FAM20A: variants seen among roughly 807,000 people sequenced by gnomAD.
FAM20A encodes FAM20A golgi associated secretory pathway pseudokinase.
FAM20A carries 42 observed loss-of-function variants against 52.0 expected under a neutral mutation model. The ratio of observed to expected loss-of-function variants is 0.81; its 90% CI spans 0.63 to 1.04. The LOEUF (loss-of-function observed/expected upper bound fraction) is 1.04. Ranked by LOEUF, FAM20A falls within the 50% of genes least tolerant of loss-of-function variation. The probability of loss-of-function intolerance (pLI) is 0.00; values close to 1 mark genes in which losing one functional copy is unlikely to be tolerated. For missense variants in FAM20A, 742 were observed against 712.7 expected (o/e 1.04, Z -0.47); for synonymous variants, 304 against 298.9 (o/e 1.02, Z -0.18).
Position 68,542,703 on chromosome 17 carries a change from CA to C in FAM20A, c.918del (p.Phe306LeufsTer76), listed in dbSNP as rs763525465. On this transcript the variant is annotated frameshift_variant, in exon 6 of 11. Coordinates refer to ENST00000592554, the MANE Select transcript of FAM20A (RefSeq NM_017565.4). LOFTEE classifies it high-confidence loss of function. ...TKNEILQSVFFVSPASNVCFF... is the reference protein window; with the variant it reads ...TKNEILQSVFXVSPASNVCFF... The stretch of plus-strand genomic sequence containing the variant: ...CGGGCCAGTACTCTACCTGGAGAGA[CA>C]AAGAAAACACTCTGCAGGATTTCAT... 6.2e-7 allele frequency: 1 copy of C among 1,613,264 alleles called. No individual in the cohort carries two copies. The highest frequency in any genetic ancestry group is 1.1e-5 in the South Asian group (1 of 91,064).
Position 68,535,551 on chromosome 17 carries a change from T to C in FAM20A, c.*1926A>G, listed in dbSNP as rs1250275834. On this transcript the variant is annotated 3_prime_UTR_variant, in exon 11 of 11. Transcript: ENST00000592554. ...GTTCTTCATCCACAGGGAAGAAACA[T>C]CTTGAAGCAGGAGAGACAGTGAATG... The C allele has an allele frequency of 2.2e-6, 1 of 454,024 alleles. No individual in the cohort carries two copies. The highest frequency in any genetic ancestry group is 4.4e-6 in the Non-Finnish European group (1 of 226,764). The allele number at this position is 454,024 out of a possible 1,614,324, so 28.1% of individuals were successfully genotyped here.
In FAM20A at chr17:68,540,479, C is replaced by T. The variant is rs752775151; in HGVS notation, c.1219+370G>A. The T allele has an allele frequency of 1.9e-5, 9 of 470,370 alleles. No individual in the cohort carries two copies. The East Asian group carries it at 3.3e-4, about 17-fold the overall frequency. 29.1% of individuals were successfully genotyped at this position (470,370 alleles called of 1,614,324 possible). ...GGGCCTGGAAGGTGGAATTACTAGT[C>T]TTGTGTGTCCGTGGCCTCGCCTGAG... On this transcript the variant is annotated intron_variant, in intron 8 of 10. Coordinates refer to ENST00000592554, the MANE Select transcript of FAM20A (RefSeq NM_017565.4).
intron 1 of FAM20A, among the ~76,000 whole-genome samples, chr17:68,591,093 C>CTTGTTT (rs57737609): frequency 0.019 from 2,888 of 149,946 alleles, 64 homozygotes; most frequent in African/African-American, 0.057. Flanking sequence ...TCCAAGGACT[C>CTTGTTT]TGTTTTGTTT....
At chr17:68,580,541 T>C (rs2087913609) in intron 1 of FAM20A, among the ~76,000 whole-genome samples, 2 of 152,238 alleles carry the variant, frequency 1.3e-5, no homozygotes, top group Admixed American at 6.5e-5. Flanking sequence ...GGCTCAGCAC[T>C]TAAGTAAAAC....
intron 1 of FAM20A, among the ~76,000 whole-genome samples, chr17:68,598,750 C>A (rs2088528822): frequency 6.6e-6 from 1 of 152,102 alleles, no homozygotes; most frequent in Non-Finnish European, 1.5e-5. Flanking sequence ...CAAAGTAACA[C>A]CGGGAAGTTT....
chr17:68,546,376 G>A (rs1422387369), intron 4 of FAM20A, among the ~76,000 whole-genome samples: 1 of 151,744 alleles, frequency 6.6e-6, no homozygotes, highest in Non-Finnish European at 1.5e-5. Context: ...TTAAACTCCT[G>A]TTAATGTTGA....
At chr17:68,541,122 G>C (rs767826003) in intron 7 of FAM20A, 164 bp from the exon 8 acceptor site, 13 of 974,130 alleles carry the variant, frequency 1.3e-5, no homozygotes, top group East Asian at 2.7e-5. Flanking sequence ...GACGCGTAAG[G>C]CTGCATATTC....
At chr17:68,547,335 A>T (rs2086617166) in intron 4 of FAM20A, among the ~76,000 whole-genome samples, 1 of 152,210 alleles carries the variant, frequency 6.6e-6, no homozygotes, top group Non-Finnish European at 1.5e-5. Context: ...GGTTTGTTAC[A>T]TATGTATACA....
At chr17:68,558,900 A>G (rs2087131852) in intron 1 of FAM20A, among the ~76,000 whole-genome samples, 1 of 152,172 alleles carries the variant, frequency 6.6e-6, no homozygotes, top group Non-Finnish European at 1.5e-5. Context: ...CTGGGATTAC[A>G]GGTGCATGCC....
In FAM20A at chr17:68,536,329, C is replaced by T. The variant is rs1363451541; in HGVS notation, c.*1148G>A. The stretch of plus-strand genomic sequence containing the variant: ...TTTTTACTTTTGTTGACTGACTAGT[C>T]ACTCCATGGAATGAAGACCTTACTG... On this transcript the variant is annotated 3_prime_UTR_variant, in exon 11 of 11. Transcript: ENST00000592554. 1.1e-5 allele frequency: 5 copies of T among 453,944 alleles called. No homozygotes were observed. Among genetic ancestry groups the T allele is most frequent in the Admixed American group, 9.4e-5 (4 of 42,554 alleles). The allele number at this position is 453,944 out of a possible 1,614,324, so 28.1% of individuals were successfully genotyped here.
Position 68,555,595 on chromosome 17 carries a change from G to A in FAM20A, c.553C>T (p.Leu185=). 6 of 1,613,338 alleles carry A rather than the reference G, an allele frequency of 3.7e-6. No individual in the cohort carries two copies. Among genetic ancestry groups the A allele is most frequent in the Non-Finnish European group, 5.1e-6 (6 of 1,180,040 alleles). Residue 185 remains leucine (L), a synonymous_variant, in exon 2 of 11, where the codon CTG becomes TTG. Coordinates refer to ENST00000592554, the MANE Select transcript of FAM20A (RefSeq NM_017565.4). Reference sequence around the variant, plus strand: ...GTGGGAAAGTGCCTCATGTCTTGCAGAAGTTTGCTGACAACAGGGCTGGAC... The same window carrying A: ...GTGGGAAAGTGCCTCATGTCTTGCAAAAGTTTGCTGACAACAGGGCTGGAC... ...SRSSPVVSKL[L]QDMRHFPTIS... is the part of the protein sequence containing the mutation.
intron 1 of FAM20A, chr17:68,590,097 G>A (rs2088263443): frequency 6.6e-6 from 1 of 152,126 alleles, no homozygotes; most frequent in South Asian, 2.1e-4. Flanking sequence ...ATTGGGTGTA[G>A]GTTTTCTTAA....
At position 68,535,418 on chromosome 17, in the gene FAM20A, C is replaced by G. The variant is rs2086072305; in HGVS notation, c.*2059G>C. 4.4e-6 allele frequency: 2 copies of G among 453,950 alleles called. No individual in the cohort carries two copies. The highest frequency in any genetic ancestry group is 8.8e-6 in the Non-Finnish European group (2 of 226,786). 28.1% of individuals were successfully genotyped at this position (453,950 alleles called of 1,614,324 possible). A position where few individuals can be genotyped will look rare whatever the true frequency, so the allele number is the denominator to read the frequency against. ...GGAGGTGGCGGGTTTTGAGGTAGAG[C>G]TGTAGCCTGCTTTCCTGAGAGTCTT... On this transcript the variant is annotated 3_prime_UTR_variant, in exon 11 of 11. Transcript: ENST00000592554.
intron 4 of FAM20A, among the ~76,000 whole-genome samples, chr17:68,550,887 A>G (rs2086804843): frequency 6.6e-6 from 1 of 152,226 alleles, no homozygotes; most frequent in South Asian, 2.1e-4. Flanking sequence ...GTTGGGACTG[A>G]AACTCTTTAT....
At position 68,570,910 on chromosome 17, in the gene FAM20A, A is replaced by G. The variant is rs1257420027; in HGVS notation, c.405-15167T>C. Among the ~76,000 whole-genome samples, 12 of 152,312 alleles carry G rather than the reference A, an allele frequency of 7.9e-5. No homozygotes were observed. The South Asian group carries it at 1.7e-3, about 21-fold the overall frequency. On this transcript the variant is annotated intron_variant, in intron 1 of 10. Transcript: ENST00000592554. The stretch of plus-strand genomic sequence containing the variant: ...CTGGGGAGGAATTTGGTGATAATCC[A>G]TTAAGTATTTTCTAATTATTTGAAC...
At chr17:68,538,365 G>A (rs909968740) in intron 10 of FAM20A, among the ~76,000 whole-genome samples, 1 of 152,226 alleles carries the variant, frequency 6.6e-6, no homozygotes, top group East Asian at 1.9e-4. Flanking sequence ...CCAGAGGGAA[G>A]CATGTTTAAA....
At chr17:68,591,093 CTGTTT>C (rs71144608) in intron 1 of FAM20A, among the ~76,000 whole-genome samples, 40,819 of 149,676 alleles carry the variant, frequency 0.27, 6,393 homozygotes, top group Middle Eastern at 0.36. Context: ...TCCAAGGACT[CTGTTT>C]TGTTTTGTTT....
At position 68,537,515 on chromosome 17, in the gene FAM20A, A is replaced by G. The variant is rs1378035669; in HGVS notation, c.1588T>C (p.Leu530=). Residue 530 remains leucine, a synonymous_variant, in exon 11 of 11, where the codon TTG becomes CTG. Coordinates refer to ENST00000592554, the MANE Select transcript of FAM20A (RefSeq NM_017565.4). The surrounding 1 kb of genome is among the most constrained non-coding windows in gnomAD (Gnocchi z 4.2). ...TTAGCCTGGCCAGAGTCTGGGGCCA[A>G]CTGTTCCACTGGGCCGTCGACTATG... ...SVIVDGPVEQ[L]APDSGQANLT... is the part of the protein sequence containing the mutation. The G allele has an allele frequency of 4.3e-6, 7 of 1,613,846 alleles. No individual in the cohort carries two copies. The highest frequency in any genetic ancestry group is 5.9e-6 in the Non-Finnish European group (7 of 1,179,920).
intron 3 of FAM20A, among the ~76,000 whole-genome samples, chr17:68,552,837 G>T (rs112692654): frequency 7.2e-6 from 1 of 138,128 alleles, no homozygotes; most frequent in African/African-American, 2.7e-5. Flanking sequence ...GCCCGCCACC[G>T]CGCCCGGCTA....
Sources: allele counts gnomAD v4.1 joint callset (sites outside exome capture counted in the v4.1 genomes callset), GRCh38; gene constraint gnomAD v4.1.1; non-coding constraint Gnocchi (gnomAD v3.1); transcripts MANE v1.5; gene names NCBI Gene and HGNC (gene_info 2026-07-23, HGNC 2026-07-21).